Variants in NBAS observed in about 807,000 individuals in gnomAD.
The protein encoded by NBAS is NAG/BC035112 fusion.
In NBAS, 219 loss-of-function variants were observed where a neutral mutation model predicts 302.5. The observed-to-expected ratio is 0.72, with a 90% CI of 0.65 to 0.81. The LOEUF is 0.81. Ranked by LOEUF, NBAS falls within the 30% of genes least tolerant of loss-of-function variation. The probability of loss-of-function intolerance (pLI) is 0.00; values close to 1 mark genes in which losing one functional copy is unlikely to be tolerated. For missense variants in NBAS, 2,932 were observed against 2,841.6 expected, an observed-to-expected ratio of 1.03 and a Z score of -0.72; for synonymous variants, 1,118 against 1,021.6, an observed-to-expected ratio of 1.09 and a Z score of -1.80.
At chr2:15,243,093 A>G (rs567943480) in intron 44 of NBAS, among the ~76,000 whole-genome samples, 22 of 152,276 alleles carry the variant, frequency 1.4e-4, no homozygotes, top group Admixed American at 2.6e-4. Context: ...GCCACCACTC[A>G]GTTCCCAGCC....
At chr2:14,958,734 G>A in the NBAS span, among the ~76,000 whole-genome samples, 5 of 152,148 alleles carry the variant, frequency 3.3e-5, no homozygotes, top group African/African-American at 4.8e-5. Flanking sequence ...TATGTAAAGA[G>A]TGACTTGAAA....
intron 48 of NBAS, among the ~76,000 whole-genome samples, chr2:15,203,495 C>A (rs1253167097): frequency 6.6e-6 from 1 of 152,110 alleles, no homozygotes; most frequent in African/African-American, 2.4e-5. Context: ...AAGTTTTATT[C>A]CAGTTAGAAA....
chr2:14,797,209 C>A, the NBAS span, among the ~76,000 whole-genome samples: 1 of 152,136 alleles, frequency 6.6e-6, no homozygotes, highest in East Asian at 1.9e-4. Context: ...CTTCAGGACC[C>A]CTCTCCGCTG....
At chr2:14,949,420 G>A in the NBAS span, among the ~76,000 whole-genome samples, 74 of 152,098 alleles carry the variant, frequency 4.9e-4, 1 homozygote, top group Admixed American at 2.7e-3. Context: ...TTTTAAAATG[G>A]GCAAAAGATC....
intron 9 of NBAS, among the ~76,000 whole-genome samples, chr2:15,517,809 C>T (rs1304993852): frequency 6.6e-6 from 1 of 152,112 alleles, no homozygotes; most frequent in Admixed American, 6.5e-5. Context: ...GATCACATTA[C>T]CCTCATGGTT....
intron 16 of NBAS, among the ~76,000 whole-genome samples, chr2:15,472,117 C>T (rs1055635577): frequency 1.4e-4 from 22 of 152,146 alleles, no homozygotes; most frequent in Non-Finnish European, 2.5e-4. Context: ...CCAAATTTCC[C>T]CTCAAAGCCA....
rs183305084 is a variant in NBAS at position 15,251,804 on chromosome 2, T to C, written c.5725-13118A>G. On this transcript the variant is annotated intron_variant, in intron 44 of 51. Coordinates refer to ENST00000281513, the MANE Select transcript of NBAS (RefSeq NM_015909.4). ...TGTTTTATCAGCAAGGTCTTTATGA[T>C]GTGTATCTTGTGCCGACTTCCTGTC... 2.0e-5 allele frequency among the ~76,000 whole-genome samples: 3 copies of C among 152,302 alleles called. No homozygotes were observed. In the East Asian group the frequency reaches 5.8e-4, roughly 29 times the overall value.
chr2:15,460,124 C>T (rs1390677547), intron 21 of NBAS, among the ~76,000 whole-genome samples: 1 of 152,138 alleles, frequency 6.6e-6, no homozygotes, highest in African/African-American at 2.4e-5. Context: ...ACCAAATGAT[C>T]CCCTAATTTG....
chr2:15,356,502 T>G, intron 32 of NBAS, 86 bp from the exon 33 acceptor site: 1 of 966,698 alleles, frequency 1.0e-6, no homozygotes, highest in East Asian at 2.5e-5. Flanking sequence ...TTCAAATTAC[T>G]TAAAAAATAA....
chr2:15,344,666 G>A (rs1190776760), intron 35 of NBAS, among the ~76,000 whole-genome samples: 1 of 152,144 alleles, frequency 6.6e-6, no homozygotes, highest in African/African-American at 2.4e-5. Flanking sequence ...ATTTTATGAA[G>A]CCAGCAGCAT....
intron 22 of NBAS, among the ~76,000 whole-genome samples, chr2:15,427,200 A>C (rs1159782692): frequency 6.6e-6 from 1 of 152,126 alleles, no homozygotes; most frequent in East Asian, 1.9e-4. Context: ...AACAAAAAGG[A>C]AGAAGAGACA....
chr2:15,448,618 G>A (rs947248253), intron 21 of NBAS, among the ~76,000 whole-genome samples: 1 of 152,024 alleles, frequency 6.6e-6, no homozygotes, highest in African/African-American at 2.4e-5. Flanking sequence ...TATATGTCAT[G>A]GATTTTTTTT....
At chr2:15,335,554 GT>G (rs1171131251) in intron 35 of NBAS, among the ~76,000 whole-genome samples, 1 of 152,132 alleles carries the variant, frequency 6.6e-6, no homozygotes, top group African/African-American at 2.4e-5. Context: ...TCTCTTTGTG[GT>G]TTTAACGTGC....
intron 38 of NBAS, among the ~76,000 whole-genome samples, chr2:15,318,239 G>C (rs1671610549): frequency 6.6e-6 from 1 of 152,200 alleles, no homozygotes; most frequent in African/African-American, 2.4e-5. Context: ...AAGAGCTCCT[G>C]AAGGGAGCAC....
chr2:15,124,401 G>A, the NBAS span, among the ~76,000 whole-genome samples: 1 of 152,192 alleles, frequency 6.6e-6, no homozygotes, highest in Non-Finnish European at 1.5e-5. Context: ...GGGAAAGAGA[G>A]CATACAAGTT....
intron 17 of NBAS, 103 bp downstream of exon 17, chr2:15,468,279 C>T: frequency 1.4e-6 from 2 of 1,385,918 alleles, no homozygotes; most frequent in Non-Finnish European, 2.0e-6. Flanking sequence ...TGCTTCAGTA[C>T]AGAATAACTT....
At chr2:14,837,414 T>C in the NBAS span, among the ~76,000 whole-genome samples, 3 of 151,914 alleles carry the variant, frequency 2.0e-5, no homozygotes, top group African/African-American at 7.2e-5. Flanking sequence ...TTGTCTGATT[T>C]TGCTATCCAG....
At chr2:15,356,485 A>T (rs1673629443) in intron 32 of NBAS, 69 bp from the exon 33 acceptor site, 1 of 1,036,296 alleles carries the variant, frequency 9.6e-7, no homozygotes, top group Admixed American at 1.7e-5. Flanking sequence ...GCTTGTTAAC[A>T]CTGTCTTTCA....
At chr2:15,468,656 A>G in intron 16 of NBAS, 123 bp from the exon 17 acceptor site, 1 of 1,133,642 alleles carries the variant, frequency 8.8e-7, no homozygotes, top group Non-Finnish European at 1.3e-6. Flanking sequence ...CCTTGGCCAT[A>G]GGGAGCTGCT....
Sources: gnomAD v4.1 joint callset for allele counts (sites outside exome capture counted in the v4.1 genomes callset) on GRCh38, gnomAD v4.1.1 for gene constraint, MANE v1.5 for transcripts, NCBI Gene and HGNC (gene_info 2026-07-23, HGNC 2026-07-21) for gene names.